The following EML4 variants were observed in gnomAD, a reference collection of about 807,000 sequenced individuals.
The protein encoded by EML4 is EMAP like 4, also known as echinoderm microtubule-associated protein-like 4.
In EML4, 72 loss-of-function variants were observed where a neutral mutation model predicts 129.0. That is an observed-to-expected ratio of 0.56 (90% CI 0.46 to 0.68). The LOEUF (loss-of-function observed/expected upper bound fraction) is 0.68. Ranked by LOEUF, EML4 falls within the 30% of genes least tolerant of loss-of-function variation. The pLI, the probability that EML4 is intolerant of heterozygous loss-of-function variation, is 0.00. For synonymous variants in EML4, 532 were observed against 405.0 expected (o/e 1.31, Z -3.77); for missense variants, 1,363 against 1,190.6 (o/e 1.14, Z -2.13).
intron 1 of EML4, among the ~76,000 whole-genome samples, chr2:42,218,138 T>C (rs1234698905): frequency 6.6e-6 from 1 of 152,136 alleles, no homozygotes; most frequent in East Asian, 1.9e-4. Flanking sequence ...ATCACTCTCA[T>C]TACCACCTAC....
intron 11 of EML4, among the ~76,000 whole-genome samples, chr2:42,290,663 T>C (rs1483555021): frequency 1.3e-5 from 2 of 151,952 alleles, no homozygotes; most frequent in African/African-American, 4.8e-5. Context: ...GCCCAGGAGA[T>C]TGAGGCTGCA....
rs7604617 is a variant in EML4 at position 42,310,276 on chromosome 2, C to T, written c.1968-5686C>T. Among the ~76,000 whole-genome samples, 1,263 of 151,790 alleles carry T rather than the reference C, an allele frequency of 8.3e-3. 13 individuals are homozygous for T. Among genetic ancestry groups the T allele is most frequent in the African/African-American group, 0.029 (1,199 of 41,376 alleles). ...CTAATGGATCTTTCTTCCTTTCTCC[C>T]CTTCCCCTTTCCCTTCCCATTCCCC... On this transcript the variant is annotated intron_variant, in intron 17 of 22. Transcript: ENST00000318522.
chr2:42,211,223 T>C (rs1335149388), intron 1 of EML4, among the ~76,000 whole-genome samples: 1 of 152,216 alleles, frequency 6.6e-6, no homozygotes, highest in African/African-American at 2.4e-5. Context: ...TTGTTAAGTC[T>C]GTAAGCATGG....
intron 11 of EML4, chr2:42,289,425 T>C (rs1489836073): frequency 6.6e-6 from 1 of 152,188 alleles, no homozygotes; most frequent in African/African-American, 2.4e-5. Context: ...TCATTTTCTA[T>C]CTGCTGAGTC....
intron 14 of EML4, among the ~76,000 whole-genome samples, chr2:42,302,406 T>C (rs552325271): frequency 1.3e-5 from 2 of 152,314 alleles, no homozygotes; most frequent in Admixed American, 6.5e-5. Flanking sequence ...TGTATTATTA[T>C]CCTTATATTA....
intron 1 of EML4, among the ~76,000 whole-genome samples, chr2:42,198,737 A>G (rs1255555146): frequency 1.3e-5 from 2 of 151,992 alleles, no homozygotes; most frequent in Admixed American, 6.6e-5. Context: ...TATTGAGGCA[A>G]TGGGAGTTGG....
intron 1 of EML4, among the ~76,000 whole-genome samples, chr2:42,229,771 G>T (rs190407632): frequency 6.6e-6 from 1 of 151,968 alleles, no homozygotes; most frequent in Admixed American, 6.6e-5. Flanking sequence ...CCACTAATGC[G>T]AGAACATCTG....
chr2:42,171,024 A>G (rs1572818165), intron 1 of EML4, among the ~76,000 whole-genome samples: 1 of 152,328 alleles, frequency 6.6e-6, no homozygotes, highest in East Asian at 1.9e-4. Flanking sequence ...GAAATCCTAA[A>G]ATAGGAGGCA....
In EML4 at chr2:42,281,765, G is replaced by A. The variant is rs146890820; in HGVS notation, c.791+792G>A. Among the ~76,000 whole-genome samples the A allele has an allele frequency of 2.0e-4, 31 of 152,226 alleles. No homozygotes were observed. The East Asian group carries it at 5.0e-3, about 25-fold the overall frequency. On this transcript the variant is annotated intron_variant, in intron 7 of 22. Transcript: ENST00000318522. ...GACTTTTTTTTAAATGACTGTTAAA[G>A]GAGAGCTTTCCTAATTTCACCTAGA...
chr2:42,264,601 A>G (rs1384674737), intron 5 of EML4, 105 bp from the exon 6 acceptor site: 2 of 710,444 alleles, frequency 2.8e-6, no homozygotes, highest in Non-Finnish European at 2.4e-6. Flanking sequence ...AGATTTATCT[A>G]GATTATAGCC....
chr2:42,191,605 A>G (rs1021044889), intron 1 of EML4, among the ~76,000 whole-genome samples: 3 of 152,220 alleles, frequency 2.0e-5, no homozygotes, highest in African/African-American at 4.8e-5. Context: ...ACCTGGGGGA[A>G]TTATGAATTA....
Position 42,304,511 on chromosome 2 carries a change from C to T in EML4, c.1927C>T (p.Pro643Ser). 1 of 1,614,028 alleles carries T rather than the reference C, an allele frequency of 6.2e-7. No individual in the cohort carries two copies. The highest frequency in any genetic ancestry group is 8.5e-7 in the Non-Finnish European group (1 of 1,179,928). The change falls in exon 17 of 23, where the codon CCA becomes TCA. Residue 643 changes from proline (P) to serine (S), a missense_variant. Coordinates refer to ENST00000318522, the MANE Select transcript of EML4 (RefSeq NM_019063.5). ...DEPGHCADFH[P>S]SGTVVAIGTH... ...ACCAGGACACTGTGCAGATTTTCAT[C>T]CAAGTGGCACAGTGGTGGCCATAGG...
chr2:42,226,588 C>T (rs747231909), intron 1 of EML4, among the ~76,000 whole-genome samples: 57 of 151,934 alleles, frequency 3.8e-4, no homozygotes, highest in Admixed American at 2.0e-3. Flanking sequence ...ACCTGGGAGG[C>T]GCAGGTTGCT....
intron 17 of EML4, among the ~76,000 whole-genome samples, chr2:42,312,845 G>A (rs1045245994): frequency 3.3e-5 from 5 of 151,506 alleles, no homozygotes; most frequent in East Asian, 2.0e-4. Flanking sequence ...GAGCCACTGC[G>A]CCTGGCCTGC....
chr2:42,243,388 G>A (rs1301299624), intron 1 of EML4, among the ~76,000 whole-genome samples: 5 of 152,086 alleles, frequency 3.3e-5, no homozygotes, highest in Admixed American at 1.3e-4. Context: ...AATTTCTAAG[G>A]CGAGAGACTG....
In EML4 at chr2:42,332,114, GAA is replaced by G. The variant is rs1172315446; in HGVS notation, c.*1909_*1910del. The G allele has an allele frequency of 4.5e-6, 1 of 221,264 alleles. No individual in the cohort carries two copies. The highest frequency in any genetic ancestry group is 9.0e-6 in the Non-Finnish European group (1 of 110,600). The allele number at this position is 221,264 out of a possible 1,614,324, so 13.7% of individuals were successfully genotyped here. ...TCAGCATGTGCTATACTCCCTGCAA[GAA>G]ATATACTGACATGAACAGGCAGTTC... On this transcript the variant is annotated 3_prime_UTR_variant, in exon 23 of 23. Transcript: ENST00000318522.
At chr2:42,185,023 C>A (rs568773584) in intron 1 of EML4, among the ~76,000 whole-genome samples, 4 of 152,116 alleles carry the variant, frequency 2.6e-5, no homozygotes, top group African/African-American at 9.7e-5. Context: ...ATCTAATTTT[C>A]TCTCCTTTGT....
chr2:42,205,718 T>G (rs1253468026), intron 1 of EML4, among the ~76,000 whole-genome samples: 6 of 152,226 alleles, frequency 3.9e-5, no homozygotes, highest in African/African-American at 1.4e-4. Flanking sequence ...AGTAATACTA[T>G]GTCAGAATTA....
At chr2:42,260,676 CAATT>C (rs1313230789) in intron 3 of EML4, among the ~76,000 whole-genome samples, 4 of 152,088 alleles carry the variant, frequency 2.6e-5, no homozygotes, top group Admixed American at 6.5e-5. Context: ...GTTTAAAACT[CAATT>C]GAGTGGAGTA....
Sources: allele counts gnomAD v4.1 joint callset (sites outside exome capture counted in the v4.1 genomes callset), GRCh38; gene constraint gnomAD v4.1.1; transcripts MANE v1.5; gene names NCBI Gene and HGNC (gene_info 2026-07-23, HGNC 2026-07-21).